The following TEAD2 variants were observed in gnomAD, a reference collection of about 807,000 sequenced individuals.
The protein encoded by TEAD2 is TEA domain transcription factor 2.
A neutral mutation model predicts 61.4 loss-of-function variants in TEAD2; 51 were observed. That is an observed-to-expected ratio of 0.83 (90% CI 0.66 to 1.05). TEAD2 has a LOEUF of 1.05. Ranked by LOEUF, TEAD2 falls within the 50% of genes least tolerant of loss-of-function variation. The pLI, the probability that TEAD2 is intolerant of heterozygous loss-of-function variation, is 0.00. For synonymous variants in TEAD2, 244 were observed against 243.2 expected, an observed-to-expected ratio of 1.00 and a Z score of -0.03; for missense variants, 509 against 600.0, an observed-to-expected ratio of 0.85 and a Z score of 1.58.
chr19:49,342,571 T>C lies in TEAD2; in HGVS notation c.1109A>G (p.Glu370Gly). 1 of 1,613,402 alleles carries C rather than the reference T, an allele frequency of 6.2e-7. No homozygotes were observed. The highest frequency in any genetic ancestry group is 8.5e-7 in the Non-Finnish European group (1 of 1,179,648). ...CAGGCGGTACACAAATCTGCCGTCCTCCAGCTGGGCCCGTTCCGTCTGAAC... is the reference window on the plus strand; with the variant it reads ...CAGGCGGTACACAAATCTGCCGTCCCCCAGCTGGGCCCGTTCCGTCTGAAC... ...EKVETERAQL[E>G]DGRFVYRLLR... Residue 370 changes from glutamate (E) to glycine (G), a missense_variant, in exon 12 of 13, where the codon GAG becomes GGG. Transcript: ENST00000593945.
rs771336277 is a variant in TEAD2, at chr19:49,351,262, GA to G, written c.604+38del. The G allele has an allele frequency of 2.0e-5, 32 of 1,586,692 alleles. No individual in the cohort carries two copies. The South Asian group carries it at 3.3e-4, about 16-fold the overall frequency. ...GGAAAGGCAGTAGGGGTCGAAGAGA[GA>G]GAGGGGAGACAAGGGAGGGTGGAGC... On this transcript the variant is annotated intron_variant, in intron 8 of 12. Transcript: ENST00000593945.
chr19:49,347,191 C>G lies in TEAD2; in HGVS notation c.920G>C (p.Trp307Ser). ...TTTGATTTTGCTGTGAGAACTCACC[C>G]AGAACTTGACCAGGAAGAAGGCATG... ...PPHAFFLVKF[W>S]ADLNWGPSGE... The change falls in exon 10 of 13, where the codon TGG becomes TCG. Residue 307 changes from tryptophan (W) to serine (S), a missense_variant and splice_region_variant. Trp to Ser is a radical substitution (Grantham distance 177). Coordinates refer to ENST00000593945, the MANE Select transcript of TEAD2 (RefSeq NM_001256660.2). The G allele has an allele frequency of 6.2e-7, 1 of 1,613,376 alleles. No individual in the cohort carries two copies. Among genetic ancestry groups the G allele is most frequent in the Non-Finnish European group, 8.5e-7 (1 of 1,179,478 alleles).
At chr19:49,349,410 C>T (rs1015495428) in intron 8 of TEAD2, among the ~76,000 whole-genome samples, 3 of 151,754 alleles carry the variant, frequency 2.0e-5, no homozygotes, top group Admixed American at 6.6e-5. Context: ...TTGCAGTGAG[C>T]CGAGATTGCG....
At chr19:49,360,186 G>T in intron 1 of TEAD2, 105 bp from the exon 2 acceptor site, 1 of 895,588 alleles carries the variant, frequency 1.1e-6, no homozygotes, top group Non-Finnish European at 1.7e-6. Flanking sequence ...GGGAGGAGGG[G>T]CTGGGGACCT....
intron 9 of TEAD2, 173 bp from the exon 10 acceptor site, chr19:49,347,536 C>T (rs1159220371): frequency 5.9e-6 from 4 of 682,374 alleles, no homozygotes; most frequent in Admixed American, 2.8e-5. Context: ...TGCTTCTGCA[C>T]CCAGTCCCCT....
At chr19:49,342,333 G>A (rs1418459904) in intron 12 of TEAD2, 105 bp downstream of exon 12, 9 of 1,445,304 alleles carry the variant, frequency 6.2e-6, no homozygotes, top group Non-Finnish European at 8.5e-6. Context: ...TGGAGTCCCT[G>A]CTGTGTCAGT....
chr19:49,344,566 C>G (rs1472461852), intron 10 of TEAD2, among the ~76,000 whole-genome samples: 2 of 152,218 alleles, frequency 1.3e-5, no homozygotes, highest in Non-Finnish European at 2.9e-5. Context: ...CAGGCATGAG[C>G]CACTGTGTCC....
intron 3 of TEAD2, among the ~76,000 whole-genome samples, chr19:49,358,199 A>C (rs927709102): frequency 6.6e-6 from 1 of 152,176 alleles, no homozygotes; most frequent in Non-Finnish European, 1.5e-5. Flanking sequence ...ACGCCACTGC[A>C]CTCCAGCCTG....
chr19:49,343,930 C>A (rs375551515), intron 10 of TEAD2, among the ~76,000 whole-genome samples: 1 of 151,594 alleles, frequency 6.6e-6, no homozygotes, highest in Non-Finnish European at 1.5e-5. Context: ...ACTGCAGCCT[C>A]GACCTCCTGA....
In TEAD2 at chr19:49,359,397, C is replaced by T. The variant is rs1972651088; in HGVS notation, c.297+38G>A. 1 of 1,604,496 alleles carries T rather than the reference C, an allele frequency of 6.2e-7. No homozygotes were observed. Among genetic ancestry groups the T allele is most frequent in the African/African-American group, 1.3e-5 (1 of 74,804 alleles). ...GCGAGGATGACCCTAAGAAGACCGG[C>T]CCATCCCAGACAGAAGCCCACAAGT... On this transcript the variant is annotated intron_variant, in intron 3 of 12. Coordinates refer to ENST00000593945, the MANE Select transcript of TEAD2 (RefSeq NM_001256660.2). The surrounding 1 kb of genome is among the most constrained non-coding windows in gnomAD (Gnocchi z 4.1).
At chr19:49,344,123 A>G (rs890337366) in intron 10 of TEAD2, among the ~76,000 whole-genome samples, 1 of 152,098 alleles carries the variant, frequency 6.6e-6, no homozygotes, top group Non-Finnish European at 1.5e-5. Flanking sequence ...CTGGGATTAC[A>G]GGCATGAGCC....
chr19:49,342,334 C>A, intron 12 of TEAD2, 104 bp downstream of exon 12: 1 of 1,449,676 alleles, frequency 6.9e-7, no homozygotes, highest in South Asian at 1.3e-5. Context: ...GGAGTCCCTG[C>A]TGTGTCAGTT....
At chr19:49,342,652 A>C in intron 11 of TEAD2, 62 bp from the exon 12 acceptor site, 1 of 1,583,614 alleles carries the variant, frequency 6.3e-7, no homozygotes, top group Non-Finnish European at 8.6e-7. Context: ...TCACCCCAGG[A>C]ATTGAGCTCC....
intron 3 of TEAD2, chr19:49,357,635 C>A: frequency 2.2e-6 from 1 of 451,334 alleles, no homozygotes. Flanking sequence ...AACAGACATG[C>A]TGATACAGTT....
At chr19:49,357,158 C>G (rs2146582630) in intron 4 of TEAD2, 94 bp downstream of exon 4, 2 of 1,287,652 alleles carry the variant, frequency 1.6e-6, no homozygotes, top group Non-Finnish European at 1.1e-6. Context: ...GTCTCTGTCC[C>G]CCTCTCCCTG....
rs1170516542 is a variant in TEAD2, at chr19:49,355,368, C to G, written c.424G>C (p.Ala142Pro). The change falls in exon 6 of 13, where the codon GCC becomes CCC. Residue 142 changes from alanine (A) to proline (P), a missense_variant. Physicochemically the swap from Ala to Pro is conservative, Grantham distance 27. Transcript: ENST00000593945. ...AGAGAAGGCGCGGAGATGAGCTGGG[C>G]AGAGGACATGGTTGCCATTGTCTGG... ...AFQTMATMSS[A>P]QLISAPSLQA... is the part of the protein sequence containing the mutation. 6.2e-7 allele frequency: 1 copy of G among 1,614,150 alleles called. No homozygotes were observed. The highest frequency in any genetic ancestry group is 8.5e-7 in the Non-Finnish European group (1 of 1,180,044).
intron 8 of TEAD2, 104 bp downstream of exon 8, chr19:49,351,197 C>CA (rs1035207796): frequency 1.4e-4 from 160 of 1,184,736 alleles, no homozygotes; most frequent in East Asian, 3.4e-4. Context: ...CAAAATAAAA[C>CA]AAAAAAAACA....
rs1971415064 is a variant in TEAD2 at position 49,343,234 on chromosome 19, C to T, written c.1086G>A (p.Val362=). ...AGCTCCACCCCTCCAGCCTCACCTCCACCTTCTCCACCACCTGCTTGCCAA... is the reference window on the plus strand; with the variant it reads ...AGCTCCACCCCTCCAGCCTCACCTCTACCTTCTCCACCACCTGCTTGCCAA... ...CSFGKQVVEK[V]ETERAQLEDG... is the part of the protein sequence containing the mutation. Residue 362 remains valine, a synonymous_variant, in exon 11 of 13, where the codon GTG becomes GTA. Transcript: ENST00000593945. 6.2e-7 allele frequency: 1 copy of T among 1,609,066 alleles called. No homozygotes were observed. Among genetic ancestry groups the T allele is most frequent in the South Asian group, 1.1e-5 (1 of 90,080 alleles).
At chr19:49,355,115 G>A (rs753981119) in intron 7 of TEAD2, 33 bp downstream of exon 7, 2 of 1,578,776 alleles carry the variant, frequency 1.3e-6, no homozygotes, top group Admixed American at 3.5e-5. Context: ...GAGGGTGGGG[G>A]GCAGGTGCTG....
Sources: gnomAD v4.1 joint callset for allele counts (sites outside exome capture counted in the v4.1 genomes callset) on GRCh38, gnomAD v4.1.1 for gene constraint, Gnocchi (gnomAD v3.1) non-coding constraint, MANE v1.5 for transcripts, NCBI Gene and HGNC (gene_info 2026-07-23, HGNC 2026-07-21) for gene names.